Variants in NEMP2 observed in about 807,000 individuals in gnomAD.
NEMP2 encodes the protein UPF0571 transmembrane protein.
In NEMP2, 53 loss-of-function variants were observed where a neutral mutation model predicts 54.2. The observed-to-expected ratio is 0.98, with a 90% confidence interval of 0.78 to 1.23. NEMP2 has a LOEUF of 1.23. Among genes scored for constraint, NEMP2 ranks in the 50% most tolerant of loss-of-function variants. NEMP2 has a pLI of 0.00. For missense variants in NEMP2, 455 were observed against 511.3 expected (o/e 0.89, Z 1.06); for synonymous variants, 197 against 190.3 (o/e 1.04, Z -0.29).
the NEMP2 span, among the ~76,000 whole-genome samples, chr2:190,491,220 C>T: frequency 6.6e-6 from 1 of 152,182 alleles, no homozygotes; most frequent in African/African-American, 2.4e-5. The surrounding 1 kb of genome is among the most constrained non-coding windows in gnomAD (Gnocchi z 4.2). Context: ...TTTTAAAATA[C>T]TTGTGTTCTG....
At chr2:190,595,609 T>C in the NEMP2 span, among the ~76,000 whole-genome samples, 1 of 152,148 alleles carries the variant, frequency 6.6e-6, no homozygotes, top group African/African-American at 2.4e-5. The surrounding 1 kb of genome is among the most constrained non-coding windows in gnomAD (Gnocchi z 4.0). Context: ...CAGATACTTC[T>C]TGAAAGAAGA....
chr2:190,633,965 G>C, the NEMP2 span, among the ~76,000 whole-genome samples: 1 of 151,984 alleles, frequency 6.6e-6, no homozygotes, highest in South Asian at 2.1e-4. Flanking sequence ...GTAGCTATTC[G>C]GGAGGCTGAG....
At chr2:190,618,830 T>C in the NEMP2 span, among the ~76,000 whole-genome samples, 29 of 152,368 alleles carry the variant, frequency 1.9e-4, 1 homozygote, top group Admixed American at 1.3e-4. Flanking sequence ...CTCCCTGCCT[T>C]GGCCTCCCAG....
the NEMP2 span, among the ~76,000 whole-genome samples, chr2:190,592,342 C>T: frequency 2.6e-5 from 4 of 152,108 alleles, no homozygotes; most frequent in Admixed American, 1.3e-4. This position sits in a 1 kb window ranked among gnomAD's most constrained non-coding sequence, Gnocchi z 4.4. Context: ...GTTCTCCCTT[C>T]TCTACACTTC....
the NEMP2 span, among the ~76,000 whole-genome samples, chr2:190,477,768 A>G: frequency 1.3e-5 from 2 of 152,226 alleles, no homozygotes; most frequent in African/African-American, 4.8e-5. Context: ...GAATCATAGA[A>G]AAATGTGCTA....
chr2:190,464,851 T>C, the NEMP2 span: 1 of 926,538 alleles, frequency 1.1e-6, no homozygotes, highest in Non-Finnish European at 1.3e-6. Flanking sequence ...TAGTGGCATC[T>C]TAATAAATGT....
the NEMP2 span, among the ~76,000 whole-genome samples, chr2:190,494,872 GATAAAC>G: frequency 4.6e-5 from 7 of 152,134 alleles, no homozygotes; most frequent in Non-Finnish European, 7.4e-5. This position sits in a 1 kb window ranked among gnomAD's most constrained non-coding sequence, Gnocchi z 5.7. Context: ...AGCCATTTGT[GATAAAC>G]CCACAGCCAA....
In NEMP2 at chr2:190,513,282, A is replaced by G. The variant is rs547479220; in HGVS notation, c.953+1171T>C. Among the ~76,000 whole-genome samples the G allele has an allele frequency of 3.9e-5, 6 of 152,252 alleles. No homozygotes were observed. Among genetic ancestry groups the G allele is most frequent in the African/African-American group, 1.4e-4 (6 of 41,534 alleles). ...ATTTCACATTCTAATCGTAATTCCC[A>G]TTTCCAATTTTTCTAGAAAACCAGC... On this transcript the variant is annotated intron_variant, in intron 7 of 8. Coordinates refer to ENST00000409150, the MANE Select transcript of NEMP2 (RefSeq NM_001142645.2). This position sits in a 1 kb window ranked among gnomAD's most constrained non-coding sequence, Gnocchi z 5.3.
chr2:190,612,389 C>T, the NEMP2 span, among the ~76,000 whole-genome samples: 5 of 152,232 alleles, frequency 3.3e-5, no homozygotes, highest in South Asian at 2.1e-4. Flanking sequence ...CTCCTGACCT[C>T]GTGATCTGCC....
At chr2:190,515,231 T>C (rs1690511590) in intron 6 of NEMP2, among the ~76,000 whole-genome samples, 1 of 152,214 alleles carries the variant, frequency 6.6e-6, no homozygotes, top group Non-Finnish European at 1.5e-5. Context: ...CCTTGAAGTC[T>C]AATTTCCAGT....
chr2:190,489,740 CTCTA>C, the NEMP2 span: 1 of 1,596,326 alleles, frequency 6.3e-7, no homozygotes, highest in East Asian at 2.2e-5. This position sits in a 1 kb window ranked among gnomAD's most constrained non-coding sequence, Gnocchi z 6.6. Flanking sequence ...CTTGGAATTA[CTCTA>C]TAGAGTGCTG....
At chr2:190,589,301 T>G in the NEMP2 span, among the ~76,000 whole-genome samples, 2 of 152,180 alleles carry the variant, frequency 1.3e-5, no homozygotes, top group Non-Finnish European at 2.9e-5. This position sits in a 1 kb window ranked among gnomAD's most constrained non-coding sequence, Gnocchi z 4.3. Flanking sequence ...TGCTATGTGC[T>G]CTTGTCAACA....
chr2:190,511,576 C>G (rs1294498578), intron 7 of NEMP2, among the ~76,000 whole-genome samples: 1 of 133,982 alleles, frequency 7.5e-6, no homozygotes, highest in African/African-American at 2.8e-5. Flanking sequence ...TTTTTTTGAG[C>G]CAGAGTCTCG....
At chr2:190,430,456 C>T in the NEMP2 span, among the ~76,000 whole-genome samples, 55 of 151,532 alleles carry the variant, frequency 3.6e-4, no homozygotes, top group African/African-American at 1.3e-3. Flanking sequence ...GCACATCTTG[C>T]ACCGCCCTTA....
At chr2:190,532,483 G>C (rs890854102) in intron 1 of NEMP2, among the ~76,000 whole-genome samples, 2 of 152,174 alleles carry the variant, frequency 1.3e-5, no homozygotes, top group African/African-American at 4.8e-5. Flanking sequence ...ATGGTTTCTA[G>C]GGACCTCACT....
chr2:190,486,567 G>A, the NEMP2 span, among the ~76,000 whole-genome samples: 2 of 152,108 alleles, frequency 1.3e-5, no homozygotes, highest in Admixed American at 1.3e-4. Context: ...CATCTCTCAG[G>A]GATCACTGTC....
At chr2:190,474,406 T>C in the NEMP2 span, among the ~76,000 whole-genome samples, 1 of 152,102 alleles carries the variant, frequency 6.6e-6, no homozygotes, top group Admixed American at 6.5e-5. Flanking sequence ...CCCACAGAAA[T>C]ACAAACTACC....
At position 190,525,290 on chromosome 2, in the gene NEMP2, C is replaced by T. The variant is rs1410677225; in HGVS notation, c.186G>A (p.Glu62=). The change falls in exon 2 of 9, where the codon GAG becomes GAA. Residue 62 remains glutamate (E), a synonymous_variant. Coordinates refer to ENST00000409150, the MANE Select transcript of NEMP2 (RefSeq NM_001142645.2). The surrounding 1 kb of genome is among the most constrained non-coding windows in gnomAD (Gnocchi z 5.0). ...GCATAGTTGACCATATGTATTTCCACTCCACTTGGGAATTTTGATTGTAGC... is the reference window on the plus strand; with the variant it reads ...GCATAGTTGACCATATGTATTTCCATTCCACTTGGGAATTTTGATTGTAGC... ...CYCYNQNSQV[E]WKYIWSTMQV... 1.9e-6 allele frequency: 3 copies of T among 1,549,526 alleles called. No homozygotes were observed. Among genetic ancestry groups the T allele is most frequent in the Non-Finnish European group, 2.6e-6 (3 of 1,145,228 alleles).
At chr2:190,428,363 G>T in the NEMP2 span, among the ~76,000 whole-genome samples, 1 of 152,150 alleles carries the variant, frequency 6.6e-6, no homozygotes, top group Non-Finnish European at 1.5e-5. Context: ...TTACACTCAG[G>T]ATTAGTAGCT....
Sources: allele counts gnomAD v4.1 joint callset (sites outside exome capture counted in the v4.1 genomes callset), GRCh38; gene constraint gnomAD v4.1.1; non-coding constraint Gnocchi (gnomAD v3.1); transcripts MANE v1.5; gene names NCBI Gene and HGNC (gene_info 2026-07-23, HGNC 2026-07-21).